The following TBC1D19 variants were observed in gnomAD, a reference collection of about 807,000 sequenced individuals.
TBC1D19 encodes TBC1 domain family, member 19.
TBC1D19 carries 60 observed loss-of-function variants against 89.0 expected under a neutral mutation model. The ratio of observed to expected loss-of-function variants is 0.67; its 90% CI spans 0.55 to 0.84. TBC1D19 has a LOEUF of 0.84. Ranked by LOEUF, TBC1D19 falls within the 40% of genes least tolerant of loss-of-function variation. The probability of loss-of-function intolerance (pLI) is 0.00; values close to 1 mark genes in which losing one functional copy is unlikely to be tolerated. For missense variants in TBC1D19, 500 were observed against 610.8 expected, an observed-to-expected ratio of 0.82 and a Z score of 1.91; for synonymous variants, 189 against 199.7, an observed-to-expected ratio of 0.95 and a Z score of 0.45.
At chr4:26,725,279 C>CA (rs1717238682) in intron 15 of TBC1D19, among the ~76,000 whole-genome samples, 1 of 152,126 alleles carries the variant, frequency 6.6e-6, no homozygotes, top group African/African-American at 2.4e-5. Context: ...TTCCAGAGTT[C>CA]AAAAAAGTTG....
At chr4:26,848,039 C>T in the TBC1D19 span, among the ~76,000 whole-genome samples, 6 of 152,164 alleles carry the variant, frequency 3.9e-5, no homozygotes, top group African/African-American at 7.2e-5. Flanking sequence ...GCTGCAGTAA[C>T]GGATTTGGTA....
chr4:26,805,098 ACC>A, the TBC1D19 span, among the ~76,000 whole-genome samples: 2 of 152,148 alleles, frequency 1.3e-5, no homozygotes, highest in Non-Finnish European at 2.9e-5. Context: ...TGAGCAAATT[ACC>A]CAGCTGCCCT....
Position 26,690,533 on chromosome 4 carries a change from T to C in TBC1D19, c.954+2126T>C, listed in dbSNP as rs1714181691. On this transcript the variant is annotated intron_variant, in intron 13 of 20. Coordinates refer to ENST00000264866, the MANE Select transcript of TBC1D19 (RefSeq NM_018317.4). The stretch of plus-strand genomic sequence containing the variant: ...TAGGGGCGAATGCAGCTGGTATCTT[T>C]AGGTTGAAGCCAGTGCTCGTTCCAT... Among the ~76,000 whole-genome samples the C allele has an allele frequency of 2.0e-5, 3 of 152,212 alleles. No homozygotes were observed. In the South Asian group the frequency reaches 6.2e-4, roughly 32 times the overall value.
intron 4 of TBC1D19, among the ~76,000 whole-genome samples, chr4:26,634,131 T>C (rs1037976620): frequency 1.3e-5 from 2 of 151,966 alleles, no homozygotes; most frequent in Admixed American, 6.6e-5. Flanking sequence ...CAGCCATGGC[T>C]TCATGAATTT....
At chr4:26,623,121 G>T (rs1197876737) in intron 4 of TBC1D19, among the ~76,000 whole-genome samples, 1 of 152,044 alleles carries the variant, frequency 6.6e-6, no homozygotes, top group Non-Finnish European at 1.5e-5. Flanking sequence ...AAGCTACCTA[G>T]TTTGGATCAC....
the TBC1D19 span, among the ~76,000 whole-genome samples, chr4:26,836,000 T>C: frequency 6.6e-6 from 1 of 151,988 alleles, no homozygotes; most frequent in Admixed American, 6.6e-5. Context: ...TCTCTCTCTC[T>C]CTCTCTATCA....
chr4:26,592,896 G>A (rs1449853707), intron 1 of TBC1D19, among the ~76,000 whole-genome samples: 1 of 152,188 alleles, frequency 6.6e-6, no homozygotes, highest in African/African-American at 2.4e-5. Flanking sequence ...TCAATATCAT[G>A]AAAATGGCCA....
the TBC1D19 span, among the ~76,000 whole-genome samples, chr4:26,853,468 G>T: frequency 6.6e-6 from 1 of 151,684 alleles, no homozygotes; most frequent in East Asian, 1.9e-4. Flanking sequence ...TTTTCTTATT[G>T]TCACATAGTA....
At chr4:26,847,670 C>A in the TBC1D19 span, among the ~76,000 whole-genome samples, 1 of 152,160 alleles carries the variant, frequency 6.6e-6, no homozygotes, top group Non-Finnish European at 1.5e-5. Flanking sequence ...AAAGAGAGAA[C>A]ATGACCTCTT....
intron 1 of TBC1D19, among the ~76,000 whole-genome samples, chr4:26,594,884 C>T (rs1577765913): frequency 6.6e-6 from 1 of 152,192 alleles, no homozygotes; most frequent in African/African-American, 2.4e-5. Flanking sequence ...ACAACAACAA[C>T]GAAAACCTGG....
the TBC1D19 span, among the ~76,000 whole-genome samples, chr4:26,780,258 G>A: frequency 6.6e-6 from 1 of 152,112 alleles, no homozygotes; most frequent in Admixed American, 6.6e-5. Flanking sequence ...TTTATTTGGG[G>A]CTTATTCAAT....
chr4:26,844,830 G>A, the TBC1D19 span, among the ~76,000 whole-genome samples: 8 of 152,114 alleles, frequency 5.3e-5, no homozygotes, highest in African/African-American at 1.9e-4. Context: ...AACTCTTTAT[G>A]AGTAAAGTTC....
intron 13 of TBC1D19, among the ~76,000 whole-genome samples, chr4:26,716,749 CTG>C (rs1444975744): frequency 1.3e-5 from 2 of 152,010 alleles, no homozygotes; most frequent in Admixed American, 6.6e-5. Flanking sequence ...ATTATTAAGA[CTG>C]ATGGGATTAT....
At chr4:26,741,909 G>C (rs1324439211) in intron 17 of TBC1D19, among the ~76,000 whole-genome samples, 3 of 152,118 alleles carry the variant, frequency 2.0e-5, no homozygotes, top group African/African-American at 7.2e-5. Flanking sequence ...GTAGATTTTA[G>C]TTTTAAAAAA....
chr4:26,656,958 T>TTTCTTCTTCTTCTTCTTC (rs56762622), intron 7 of TBC1D19, among the ~76,000 whole-genome samples: 1,253 of 47,838 alleles, frequency 0.026, 374 homozygotes, highest in Admixed American at 0.041. Flanking sequence ...CCCTGCAATC[T>TTTCTTCTTCTTCTTCTTC]TTCTTCTTCT....
At chr4:26,693,316 G>T (rs1015967103) in intron 13 of TBC1D19, among the ~76,000 whole-genome samples, 1 of 152,094 alleles carries the variant, frequency 6.6e-6, no homozygotes, top group Non-Finnish European at 1.5e-5. Flanking sequence ...TTGTAAGATG[G>T]CTTAGATGTT....
intron 7 of TBC1D19, among the ~76,000 whole-genome samples, chr4:26,648,287 C>T (rs1304433318): frequency 6.6e-6 from 1 of 152,132 alleles, no homozygotes; most frequent in Non-Finnish European, 1.5e-5. Context: ...GTCGTTTCTA[C>T]CCAACTGGTT....
intron 15 of TBC1D19, among the ~76,000 whole-genome samples, chr4:26,731,193 A>C (rs1046675686): frequency 2.0e-5 from 3 of 152,156 alleles, no homozygotes; most frequent in African/African-American, 7.2e-5. Flanking sequence ...GCTTAGGGGG[A>C]GGGATCAAGG....
the TBC1D19 span, among the ~76,000 whole-genome samples, chr4:26,781,447 C>T: frequency 1.2e-3 from 187 of 152,162 alleles, no homozygotes; most frequent in African/African-American, 4.3e-3. Context: ...GTGTGTCTGG[C>T]CTATGTAGTT....
Sources: allele counts gnomAD v4.1 joint callset (sites outside exome capture counted in the v4.1 genomes callset), GRCh38; gene constraint gnomAD v4.1.1; transcripts MANE v1.5; gene names NCBI Gene and HGNC (gene_info 2026-07-23, HGNC 2026-07-21).